Variants in SGPP1 observed in about 807,000 individuals in gnomAD.
The protein encoded by SGPP1 is sphingosine-1-phosphate phosphatase 1, also known as hSPP1.
A neutral mutation model predicts 33.0 loss-of-function variants in SGPP1; 21 were observed. That is an observed-to-expected ratio of 0.64 (90% CI 0.45 to 0.92). The LOEUF is 0.92. SGPP1 is among the 40% of genes least tolerant of loss of function. The pLI is 0.00. For missense variants in SGPP1, 543 were observed against 589.4 expected, an observed-to-expected ratio of 0.92 and a Z score of 0.81; for synonymous variants, 239 against 241.2, an observed-to-expected ratio of 0.99 and a Z score of 0.08.
In SGPP1 at chr14:63,700,686, T is replaced by A. The variant is rs562289850; in HGVS notation, c.685-2028A>T. On this transcript the variant is annotated intron_variant, in intron 1 of 2. Transcript: ENST00000247225. ...AACCTGATAGGTAACATGGAGAAAATAAAAAGAGAACATGTGTTGAAGAAA... is the reference window on the plus strand; with the variant it reads ...AACCTGATAGGTAACATGGAGAAAAAAAAAAGAGAACATGTGTTGAAGAAA... Among the ~76,000 whole-genome samples the A allele has an allele frequency of 1.9e-4, 29 of 152,072 alleles. No individual in the cohort carries two copies. The East Asian group carries it at 3.9e-3, about 20-fold the overall frequency.
intron 1 of SGPP1, among the ~76,000 whole-genome samples, chr14:63,709,867 A>G (rs943745325): frequency 8.6e-5 from 13 of 151,918 alleles, no homozygotes; most frequent in African/African-American, 2.9e-4. Context: ...TTATTCTACC[A>G]AACGGCTTTT....
In SGPP1 at chr14:63,684,295, T is replaced by C. The variant is rs1884926607; in HGVS notation, c.*1810A>G. 6.6e-6 allele frequency: 1 copy of C among 152,094 alleles called. No homozygotes were observed. The highest frequency in any genetic ancestry group is 2.1e-4 in the South Asian group (1 of 4,828). 9.4% of individuals were successfully genotyped at this position (152,094 alleles called of 1,614,324 possible). ...AGGACAGAAAATAATAAAACACAAA[T>C]GGAACATTTTCAAATACCTTTTAAG... On this transcript the variant is annotated 3_prime_UTR_variant, in exon 3 of 3. Transcript: ENST00000247225.
chr14:63,715,630 A>G (rs1885607938), intron 1 of SGPP1, among the ~76,000 whole-genome samples: 1 of 152,192 alleles, frequency 6.6e-6, no homozygotes, highest in South Asian at 2.1e-4. Context: ...AACTGAGTCC[A>G]GCAGTTTCCC....
chr14:63,693,917 G>A (rs1885136291), intron 2 of SGPP1, among the ~76,000 whole-genome samples: 1 of 152,120 alleles, frequency 6.6e-6, no homozygotes, highest in African/African-American at 2.4e-5. Flanking sequence ...TTTAAATTAT[G>A]TATTTTTTCA....
intron 2 of SGPP1, among the ~76,000 whole-genome samples, chr14:63,691,057 T>C (rs996663268): frequency 9.9e-4 from 151 of 152,316 alleles, no homozygotes; most frequent in African/African-American, 3.5e-3. Context: ...TAAAACATAG[T>C]TTGGCTGATA....
intron 1 of SGPP1, among the ~76,000 whole-genome samples, chr14:63,722,623 A>G (rs546135277): frequency 6.6e-6 from 1 of 152,026 alleles, no homozygotes; most frequent in East Asian, 1.9e-4. Context: ...GTAAAAGCAC[A>G]CAAAATGAAA....
intron 1 of SGPP1, among the ~76,000 whole-genome samples, chr14:63,718,970 GTATATACATATATATATATATATATATA>G (rs1885688895): frequency 3.1e-5 from 2 of 63,560 alleles, no homozygotes; most frequent in Non-Finnish European, 5.5e-5. Flanking sequence ...TCATATATAT[GTATATACATATATATATATATATATATA>G]TATATATATA....
At chr14:63,715,791 T>C (rs1416293589) in intron 1 of SGPP1, among the ~76,000 whole-genome samples, 2 of 152,138 alleles carry the variant, frequency 1.3e-5, no homozygotes, top group Admixed American at 6.6e-5. Flanking sequence ...AATCTGTGCA[T>C]GCATGGGGAG....
intron 1 of SGPP1, among the ~76,000 whole-genome samples, chr14:63,716,876 A>G (rs1289104998): frequency 6.6e-6 from 1 of 152,040 alleles, no homozygotes; most frequent in East Asian, 1.9e-4. Flanking sequence ...TATTTTTAGT[A>G]GAGAGGAGGT....
At chr14:63,692,536 A>AC (rs1423284117) in intron 2 of SGPP1, among the ~76,000 whole-genome samples, 2 of 151,900 alleles carry the variant, frequency 1.3e-5, no homozygotes, top group Non-Finnish European at 2.9e-5. Flanking sequence ...TGAAGCCTCA[A>AC]CCCCCTGGGC....
chr14:63,708,211 T>C (rs1004239699), intron 1 of SGPP1, among the ~76,000 whole-genome samples: 2 of 151,816 alleles, frequency 1.3e-5, no homozygotes, highest in Non-Finnish European at 2.9e-5. Context: ...TAACCCAATC[T>C]TTCTTTTTTT....
At chr14:63,702,073 G>T (rs1313296975) in intron 1 of SGPP1, among the ~76,000 whole-genome samples, 3 of 151,946 alleles carry the variant, frequency 2.0e-5, no homozygotes, top group African/African-American at 7.3e-5. Flanking sequence ...ACAAACTGAA[G>T]AAAAAATCAC....
At chr14:63,697,951 T>G (rs1301612613) in intron 2 of SGPP1, among the ~76,000 whole-genome samples, 1 of 152,164 alleles carries the variant, frequency 6.6e-6, no homozygotes, top group Non-Finnish European at 1.5e-5. Flanking sequence ...CACAGTAATC[T>G]GGTCAAGATA....
chr14:63,726,313 T>A (rs2082706876), intron 1 of SGPP1, among the ~76,000 whole-genome samples: 1 of 152,118 alleles, frequency 6.6e-6, no homozygotes, highest in African/African-American at 2.4e-5. Context: ...ATTCTTAAAA[T>A]AAGGGACTGG....
intron 1 of SGPP1, among the ~76,000 whole-genome samples, chr14:63,709,809 AC>A (rs1203086062): frequency 6.6e-6 from 1 of 152,136 alleles, no homozygotes; most frequent in Non-Finnish European, 1.5e-5. Flanking sequence ...TAATCTTTTC[AC>A]TGCACATCCT....
intron 1 of SGPP1, among the ~76,000 whole-genome samples, chr14:63,716,911 T>G (rs1392881096): frequency 1.3e-5 from 2 of 152,110 alleles, no homozygotes; most frequent in Non-Finnish European, 2.9e-5. Context: ...CAGGCTGGTC[T>G]CAAACTCCTG....
chr14:63,727,494 A>C lies in SGPP1; in HGVS notation c.451T>G (p.Trp151Gly). 1 of 1,614,134 alleles carries C rather than the reference A, an allele frequency of 6.2e-7. No individual in the cohort carries two copies. Among genetic ancestry groups the C allele is most frequent in the South Asian group, 1.1e-5 (1 of 91,084 alleles). ...ACCAGAGGGTCCAGGTTCCAGATCC[A>C]GAAGGGGAAGAACAGGATGTAGAAG... is the stretch of plus-strand genomic sequence containing the variant. ...ELFYILFFPF[W>G]IWNLDPLVGR... is the part of the protein sequence containing the mutation. The change falls in exon 1 of 3, where the codon TGG (tryptophan) becomes GGG (glycine). Residue 151 changes from tryptophan (W) to glycine (G), a missense_variant. Physicochemically the swap from Trp to Gly is radical, Grantham distance 184. Transcript: ENST00000247225.
intron 1 of SGPP1, among the ~76,000 whole-genome samples, chr14:63,714,123 G>A (rs959399213): frequency 2.6e-5 from 4 of 152,228 alleles, no homozygotes; most frequent in African/African-American, 9.6e-5. Context: ...GAGGCTTTCA[G>A]CCTTGGACTG....
At chr14:63,710,655 G>A (rs1444241329) in intron 1 of SGPP1, among the ~76,000 whole-genome samples, 4 of 152,132 alleles carry the variant, frequency 2.6e-5, no homozygotes, top group Non-Finnish European at 5.9e-5. Context: ...CTACAGACCA[G>A]CTTCTCTGCC....
Sources: gnomAD v4.1 joint callset for allele counts (sites outside exome capture counted in the v4.1 genomes callset) on GRCh38, gnomAD v4.1.1 for gene constraint, MANE v1.5 for transcripts, NCBI Gene and HGNC (gene_info 2026-07-23, HGNC 2026-07-21) for gene names.